BSPH1: variants seen among roughly 807,000 people sequenced by gnomAD.
BSPH1 encodes binder of sperm 1.
In BSPH1, 21 loss-of-function variants were observed where a neutral mutation model predicts 22.5. The ratio of observed to expected loss-of-function variants is 0.93; its 90% CI spans 0.66 to 1.35. The LOEUF is 1.35. BSPH1 is among the 40% of genes most tolerant of loss of function. The pLI is 0.00. For synonymous variants in BSPH1, 42 were observed against 53.6 expected, an observed-to-expected ratio of 0.78 and a Z score of 0.95; for missense variants, 141 against 154.2, an observed-to-expected ratio of 0.91 and a Z score of 0.45.
At chr19:47,974,550 G>A (rs1049882989) in intron 5 of BSPH1, among the ~76,000 whole-genome samples, 9 of 151,934 alleles carry the variant, frequency 5.9e-5, no homozygotes, top group East Asian at 3.9e-4. Context: ...GATTACAGGC[G>A]TGAGCCACTG....
chr19:47,977,627 G>A, intron 3 of BSPH1, 123 bp from the exon 4 acceptor site: 1 of 1,456,914 alleles, frequency 6.9e-7, no homozygotes, highest in Non-Finnish European at 9.0e-7. Flanking sequence ...TGTAGTAAAT[G>A]TTATTGTGCT....
In BSPH1 at chr19:47,980,898, T is replaced by G; in HGVS notation, c.94+23A>C. 2.1e-6 allele frequency: 3 copies of G among 1,418,832 alleles called. 1 individual carries two copies. Among genetic ancestry groups the G allele is most frequent in the Non-Finnish European group, 2.9e-6 (3 of 1,051,192 alleles). The allele number at this position is 1,418,832 out of a possible 1,614,324, so 87.9% of individuals were successfully genotyped here. A position where few individuals can be genotyped will look rare whatever the true frequency, so the allele number is the denominator to read the frequency against. On this transcript the variant is annotated intron_variant, in intron 2 of 5. Coordinates refer to ENST00000344839, the MANE Select transcript of BSPH1 (RefSeq NM_001128326.2). Reference sequence around the variant, plus strand: ...GCAAAAATTTGAAAAGAAACGCTAATAAAAGTTTTTTGATCAACTCACCCA... The same window carrying G: ...GCAAAAATTTGAAAAGAAACGCTAAGAAAAGTTTTTTGATCAACTCACCCA...
At chr19:47,982,234 T>C (rs745576972) in intron 1 of BSPH1, among the ~76,000 whole-genome samples, 3 of 152,256 alleles carry the variant, frequency 2.0e-5, no homozygotes, top group Non-Finnish European at 4.4e-5. Context: ...TAAAGCATTA[T>C]AACTCGACAT....
At chr19:47,973,321 A>C (rs1333270904) in intron 5 of BSPH1, among the ~76,000 whole-genome samples, 3 of 151,950 alleles carry the variant, frequency 2.0e-5, no homozygotes, top group African/African-American at 7.2e-5. Context: ...TTTTCATAAA[A>C]GATTTGGAAT....
At chr19:47,972,939 C>G (rs867050752) in intron 5 of BSPH1, among the ~76,000 whole-genome samples, 1 of 151,172 alleles carries the variant, frequency 6.6e-6, no homozygotes, top group Non-Finnish European at 1.5e-5. Flanking sequence ...TGTAGGCGGC[C>G]GGGCGCGGTG....
chr19:47,967,852 T>A (rs10405761), downstream of BSPH1, among the ~76,000 whole-genome samples: 66,594 of 151,940 alleles, frequency 0.44, 16,081 homozygotes, highest in Middle Eastern at 0.56. Context: ...CTGTGTTGCT[T>A]GGAAATAGAA....
chr19:47,989,893 T>A (rs1600094649), intron 1 of BSPH1, among the ~76,000 whole-genome samples: 1 of 151,684 alleles, frequency 6.6e-6, no homozygotes, highest in African/African-American at 2.4e-5. Flanking sequence ...CTGAGGTGGG[T>A]GAATCACCGA....
At chr19:47,976,679 G>A (rs1969367537) in intron 5 of BSPH1, 31 bp downstream of exon 5, 2 of 1,521,504 alleles carry the variant, frequency 1.3e-6, no homozygotes, top group Admixed American at 2.0e-5. Flanking sequence ...ATGATTAAAC[G>A]TCTTCATCCC....
At chr19:47,990,175 G>C (rs1193203632) in intron 1 of BSPH1, among the ~76,000 whole-genome samples, 1 of 151,340 alleles carries the variant, frequency 6.6e-6, no homozygotes, top group African/African-American at 2.4e-5. Flanking sequence ...ATGCTTGCAA[G>C]GGAGAGAGAG....
At chr19:47,969,560 G>A (rs1969289785) in intron 5 of BSPH1, among the ~76,000 whole-genome samples, 1 of 152,074 alleles carries the variant, frequency 6.6e-6, no homozygotes, top group South Asian at 2.1e-4. Flanking sequence ...GGAGAAAAAT[G>A]TAATATAAGG....
At chr19:47,969,315 A>T (rs1347548223) in intron 5 of BSPH1, among the ~76,000 whole-genome samples, 2 of 152,124 alleles carry the variant, frequency 1.3e-5, no homozygotes, top group Non-Finnish European at 2.9e-5. Flanking sequence ...TGGCCTGGGG[A>T]TATGAAGCAG....
intron 1 of BSPH1, among the ~76,000 whole-genome samples, chr19:47,991,659 GCTCCTCCTCCCC>G (rs1966874611): frequency 2.7e-5 from 1 of 37,008 alleles, no homozygotes; most frequent in Non-Finnish European, 5.4e-5. Context: ...TCCTCCGTCT[GCTCCTCCTCCCC>G]CTCCTCCTCT....
intron 1 of BSPH1, chr19:47,981,850 C>A: frequency 2.3e-6 from 1 of 426,480 alleles, no homozygotes; most frequent in Non-Finnish European, 3.1e-6. Flanking sequence ...TTACCTCCCC[C>A]TCCTTAGAAC....
chr19:47,981,581 T>A (rs1366252), intron 1 of BSPH1, among the ~76,000 whole-genome samples: 1 of 152,040 alleles, frequency 6.6e-6, no homozygotes, highest in Non-Finnish European at 1.5e-5. Flanking sequence ...CAATTCAATT[T>A]GAATCCCCCC....
chr19:47,984,475 T>C (rs1969450334), intron 1 of BSPH1, among the ~76,000 whole-genome samples: 1 of 151,986 alleles, frequency 6.6e-6, no homozygotes, highest in South Asian at 2.1e-4. Context: ...AATTCTGTTA[T>C]AATATATAAG....
downstream of BSPH1, among the ~76,000 whole-genome samples, chr19:47,967,856 A>T (rs1336042306): frequency 6.6e-6 from 1 of 152,158 alleles, no homozygotes; most frequent in African/African-American, 2.4e-5. Context: ...GTTGCTTGGA[A>T]ATAGAAGTTA....
intron 1 of BSPH1, among the ~76,000 whole-genome samples, chr19:47,988,224 C>T (rs1231073337): frequency 2.0e-5 from 3 of 152,118 alleles, no homozygotes; most frequent in Non-Finnish European, 2.9e-5. Context: ...AATCCAAACC[C>T]TTATCCTGCC....
rs1379625607 is a variant in BSPH1 at position 47,968,064 on chromosome 19, T to C, written c.*148A>G. The C allele has an allele frequency of 6.6e-6, 1 of 152,234 alleles. No homozygotes were observed. The highest frequency in any genetic ancestry group is 1.9e-4 in the East Asian group (1 of 5,194). The allele number at this position is 152,234 out of a possible 1,614,324, so 9.4% of individuals were successfully genotyped here. Reference sequence around the variant, plus strand: ...TAGAAATGCTGGAGAAAAAGAGTTTTATTTTATTAAGAAAATTGGGGGTTA... The same window carrying C: ...TAGAAATGCTGGAGAAAAAGAGTTTCATTTTATTAAGAAAATTGGGGGTTA... On this transcript the variant is annotated 3_prime_UTR_variant, in exon 6 of 6. Transcript: ENST00000344839.
intron 5 of BSPH1, among the ~76,000 whole-genome samples, chr19:47,973,218 A>AAATAAT (rs60548503): frequency 0.07 from 9,234 of 131,862 alleles, 333 homozygotes; most frequent in East Asian, 0.1. Flanking sequence ...CTCCGTCTCA[A>AAATAAT]AATAATAATA....
Sources: allele counts gnomAD v4.1 joint callset (sites outside exome capture counted in the v4.1 genomes callset), GRCh38; gene constraint gnomAD v4.1.1; transcripts MANE v1.5; gene names NCBI Gene and HGNC (gene_info 2026-07-23, HGNC 2026-07-21).